Variants in BTNL8 observed in about 807,000 individuals in gnomAD.
BTNL8 encodes butyrophilin-like protein 8.
In BTNL8, 22 loss-of-function variants were observed where a neutral mutation model predicts 36.1. The ratio of observed to expected loss-of-function variants is 0.61; its 90% confidence interval spans 0.44 to 0.87. The LOEUF (loss-of-function observed/expected upper bound fraction) is 0.87. Ranked by LOEUF, BTNL8 falls within the 40% of genes least tolerant of loss-of-function variation. BTNL8 has a pLI of 0.00. For missense variants in BTNL8, 526 were observed against 616.9 expected (o/e 0.85, Z 1.56); for synonymous variants, 203 against 235.6 (o/e 0.86, Z 1.27).
chr5:180,899,426 G>T, intron 1 of BTNL8, 67 bp downstream of exon 1: 1 of 1,524,700 alleles, frequency 6.6e-7, no homozygotes, highest in Non-Finnish European at 9.1e-7. Context: ...AATGGTTGCA[G>T]CATAATGGAA....
chr5:180,904,559 T>C (rs1210819953), intron 1 of BTNL8, among the ~76,000 whole-genome samples: 1 of 136,712 alleles, frequency 7.3e-6, no homozygotes, highest in Non-Finnish European at 1.5e-5. Flanking sequence ...CTTCCAGCAC[T>C]ATGTTGAATA....
At chr5:180,927,954 C>G (rs1000720839) in intron 3 of BTNL8, among the ~76,000 whole-genome samples, 2 of 152,036 alleles carry the variant, frequency 1.3e-5, no homozygotes, top group African/African-American at 4.8e-5. Flanking sequence ...GTAAGACAGG[C>G]CAACATTCAA....
intron 1 of BTNL8, among the ~76,000 whole-genome samples, chr5:180,908,118 T>C (rs547213469): frequency 0.013 from 1,935 of 152,298 alleles, 16 homozygotes; most frequent in Middle Eastern, 0.048. Context: ...GCCTCGCTGC[T>C]GCCTTGCAGT....
At chr5:180,929,733 G>A (rs1011985507) in intron 3 of BTNL8, among the ~76,000 whole-genome samples, 1 of 152,052 alleles carries the variant, frequency 6.6e-6, no homozygotes, top group Admixed American at 6.6e-5. Context: ...ATAAATTCCT[G>A]GACACATACA....
chr5:180,933,006 A>G lies in BTNL8; in HGVS notation c.674-14506A>G, dbSNP rs200578421. 1.1e-4 allele frequency among the ~76,000 whole-genome samples: 3 copies of G among 26,470 alleles called. No homozygotes were observed. The East Asian group carries it at 2.1e-3, about 19-fold the overall frequency. 17.4% of individuals were successfully genotyped at this position (26,470 alleles called of 152,430 possible). ...AGGATATTCCATGCAAATAAAAACC[A>G]AAAAAAAAAAAAGCAGTGGTAGCTA... On this transcript the variant is annotated intron_variant, in intron 3 of 7. Transcript: ENST00000340184.
chr5:180,949,783 A>G, intron 7 of BTNL8, 121 bp from the exon 8 acceptor site: 3 of 1,237,558 alleles, frequency 2.4e-6, no homozygotes, highest in Non-Finnish European at 3.4e-6. Flanking sequence ...CGGGAGGCTC[A>G]GGTCCGGGGC....
intron 3 of BTNL8, among the ~76,000 whole-genome samples, chr5:180,925,975 T>C (rs1582037680): frequency 6.6e-6 from 1 of 151,566 alleles, no homozygotes; most frequent in East Asian, 1.9e-4. Context: ...TAAAAGGATA[T>C]TTTGTGTATG....
intron 7 of BTNL8, 120 bp downstream of exon 7, chr5:180,949,385 G>A: frequency 7.4e-7 from 1 of 1,358,102 alleles, no homozygotes; most frequent in Middle Eastern, 1.8e-4. Context: ...GCCTGCAGAT[G>A]GAGAAACTGG....
rs138728915 is a variant in BTNL8 at position 180,899,326 on chromosome 5, A to G, written c.16A>G (p.Ser6Gly). Reference protein sequence around the residue: MALMLSLVLSLLKLGS... With the variant: MALMLGLVLSLLKLGS... ...GAACACATCCATGGCTCTCATGCTC[A>G]GTTTGGTTCTGAGTCTCCTCAAGCT... Residue 6 changes from serine to glycine, a missense_variant, in exon 1 of 8, where the codon AGT becomes GGT. This residue lies in a region of BTNL8 where 350 missense variants were observed against 324.6 expected (regional missense o/e 1.08). Coordinates refer to ENST00000340184, the MANE Select transcript of BTNL8 (RefSeq NM_001040462.3). The G allele has an allele frequency of 5.8e-4, 943 of 1,614,144 alleles. 5 individuals carry two copies. The African/African-American group carries it at 8.5e-3, about 15-fold the overall frequency.
intron 2 of BTNL8, 132 bp downstream of exon 2, chr5:180,909,065 T>C: frequency 1.1e-6 from 1 of 892,244 alleles, no homozygotes; most frequent in Non-Finnish European, 1.7e-6. Context: ...TCTACGTTCC[T>C]TCTGTCTTGT....
rs571848247 is a variant in BTNL8, at chr5:180,902,041, T to TAAA, written c.49+2684_49+2686dup. ...ATGTAACATTCCTCTATAGTAGCCA[T>TAAA]AAAATATTGATATAATATTGTGCTT... On this transcript the variant is annotated intron_variant, in intron 1 of 7. Transcript: ENST00000340184. 3.8e-3 allele frequency among the ~76,000 whole-genome samples: 572 copies of TAAA among 152,322 alleles called. 1 individual carries two copies. The highest frequency in any genetic ancestry group is 0.013 in the African/African-American group (545 of 41,570).
At chr5:180,924,882 C>A (rs559676465) in intron 3 of BTNL8, among the ~76,000 whole-genome samples, 2 of 151,762 alleles carry the variant, frequency 1.3e-5, no homozygotes, top group Admixed American at 1.3e-4. Flanking sequence ...CAGGAAACTA[C>A]AAGAAAATGC....
intron 1 of BTNL8, among the ~76,000 whole-genome samples, chr5:180,901,874 C>T (rs572470905): frequency 7.2e-5 from 11 of 152,240 alleles, no homozygotes; most frequent in Admixed American, 6.5e-5. Context: ...CACACGTGAA[C>T]GTGCTAAAGA....
intron 2 of BTNL8, 70 bp downstream of exon 2, chr5:180,909,003 T>C (rs751666632): frequency 9.8e-5 from 144 of 1,470,236 alleles, no homozygotes; most frequent in Non-Finnish European, 1.3e-4. Context: ...TTTTTTTCAA[T>C]AAGGAAATTT....
At chr5:180,930,139 T>G (rs994743435) in intron 3 of BTNL8, among the ~76,000 whole-genome samples, 1 of 152,218 alleles carries the variant, frequency 6.6e-6, no homozygotes, top group Non-Finnish European at 1.5e-5. Context: ...GCTTCATCCT[T>G]GGGATGCAAG....
intron 3 of BTNL8, among the ~76,000 whole-genome samples, chr5:180,920,663 G>C (rs754300355): frequency 6.6e-6 from 1 of 151,988 alleles, no homozygotes; most frequent in Non-Finnish European, 1.5e-5. Context: ...GCAACATGTG[G>C]AATGGGAGAA....
intron 3 of BTNL8, among the ~76,000 whole-genome samples, chr5:180,937,105 C>T (rs1031159324): frequency 1.3e-5 from 2 of 152,140 alleles, no homozygotes; most frequent in Non-Finnish European, 2.9e-5. Context: ...ATTTGGTGTC[C>T]ACCACTGATG....
At chr5:180,948,773 T>C in intron 5 of BTNL8, 147 bp from the exon 6 acceptor site, 1 of 473,332 alleles carries the variant, frequency 2.1e-6, no homozygotes, top group Middle Eastern at 5.3e-4. Context: ...AACCACTAAA[T>C]AGTCTGCTTT....
At chr5:180,918,388 T>C (rs1757737426) in intron 3 of BTNL8, among the ~76,000 whole-genome samples, 1 of 152,108 alleles carries the variant, frequency 6.6e-6, no homozygotes, top group South Asian at 2.1e-4. Context: ...ATATATGACA[T>C]TAACAGAATG....
Sources: allele counts gnomAD v4.1 joint callset (sites outside exome capture counted in the v4.1 genomes callset), GRCh38; gene constraint gnomAD v4.1.1; regional missense constraint gnomAD v4.1.1; transcripts MANE v1.5; gene names NCBI Gene and HGNC (gene_info 2026-07-23, HGNC 2026-07-21).